The following CTNNA2 variants were observed in gnomAD, a reference collection of about 807,000 sequenced individuals.
The protein encoded by CTNNA2 is catenin alpha 2, also known as catenin alpha-2.
CTNNA2 carries 42 observed loss-of-function variants against 101.0 expected under a neutral mutation model. That is an observed-to-expected ratio of 0.42 (90% CI 0.32 to 0.54). CTNNA2 has a LOEUF of 0.54. Among genes scored for constraint, CTNNA2 ranks in the 20% least tolerant of loss-of-function variants. The pLI, the probability that CTNNA2 is intolerant of heterozygous loss-of-function variation, is 0.14. For synonymous variants in CTNNA2, 450 were observed against 456.4 expected (o/e 0.99, Z 0.18); for missense variants, 871 against 1,223.1 (o/e 0.71, Z 4.29).
upstream of CTNNA2, among the ~76,000 whole-genome samples, chr2:79,508,926 G>A (rs2103817623): frequency 7.8e-6 from 1 of 127,914 alleles, no homozygotes; most frequent in South Asian, 2.6e-4. Context: ...CTGTTTACTT[G>A]AAAACATATA....
At chr2:80,583,022 G>A (rs1053771655) in intron 14 of CTNNA2, among the ~76,000 whole-genome samples, 1 of 152,062 alleles carries the variant, frequency 6.6e-6, no homozygotes, top group Non-Finnish European at 1.5e-5. Context: ...GGATGTGAAG[G>A]TTAAAGAATA....
intron 1 of CTNNA2, among the ~76,000 whole-genome samples, chr2:79,626,544 CA>C (rs1413909915): frequency 8.6e-5 from 13 of 151,802 alleles, no homozygotes; most frequent in Admixed American, 8.5e-4. Flanking sequence ...TTCTTTTTCT[CA>C]AAAACACACT....
chr2:80,199,197 A>G (rs1707039894), intron 7 of CTNNA2, among the ~76,000 whole-genome samples: 1 of 150,494 alleles, frequency 6.6e-6, no homozygotes, highest in Non-Finnish European at 1.5e-5. Context: ...AAAAAAAAAA[A>G]AAAAAAAAAA....
chr2:79,532,264 G>GT (rs1383250639), intron 1 of CTNNA2, among the ~76,000 whole-genome samples: 2 of 152,092 alleles, frequency 1.3e-5, no homozygotes, highest in Admixed American at 1.3e-4. Context: ...TCCCTAGAAA[G>GT]TAATTCTGTA....
At chr2:79,270,512 T>C (rs560393148) in intron 2 of CTNNA2, among the ~76,000 whole-genome samples, 2 of 152,240 alleles carry the variant, frequency 1.3e-5, no homozygotes, top group African/African-American at 2.4e-5. Flanking sequence ...TGGACTCTGA[T>C]ATTGACTTCT....
At position 80,422,363 on chromosome 2, in the gene CTNNA2, C is replaced by T. The variant is rs776124444; in HGVS notation, c.1290+2762C>T. 3.5e-4 allele frequency among the ~76,000 whole-genome samples: 53 copies of T among 152,194 alleles called. 1 individual carries two copies. The highest frequency in any genetic ancestry group is 7.1e-4 in the Non-Finnish European group (48 of 68,008). ...CACCCTTGACACATGAAGATTATTA[C>T]GACTCAAGGTGAGATTGAATAGGAA... On this transcript the variant is annotated intron_variant, in intron 9 of 18. Coordinates refer to ENST00000402739, the MANE Select transcript of CTNNA2 (RefSeq NM_001282597.3).
At chr2:79,568,686 A>G (rs956802356) in intron 1 of CTNNA2, among the ~76,000 whole-genome samples, 2 of 151,890 alleles carry the variant, frequency 1.3e-5, no homozygotes, top group African/African-American at 4.8e-5. Context: ...ATAAAAAACA[A>G]TATTTCATTA....
intron 1 of CTNNA2, among the ~76,000 whole-genome samples, chr2:79,625,700 G>C (rs1573506903): frequency 6.6e-6 from 1 of 152,160 alleles, no homozygotes. Flanking sequence ...CCAGGCTCTT[G>C]CTCCTGAGCC....
chr2:79,599,840 A>T (rs1677435986), intron 1 of CTNNA2, among the ~76,000 whole-genome samples: 1 of 152,190 alleles, frequency 6.6e-6, no homozygotes, highest in South Asian at 2.1e-4. Flanking sequence ...TTGAAACAGC[A>T]TCCTATTTAG....
chr2:79,207,926 G>A (rs1376672464), intron 2 of CTNNA2, among the ~76,000 whole-genome samples: 2 of 152,114 alleles, frequency 1.3e-5, no homozygotes, highest in East Asian at 3.9e-4. Flanking sequence ...GTGGCAATGA[G>A]GTGAAACTTT....
intron 4 of CTNNA2, among the ~76,000 whole-genome samples, chr2:79,484,824 G>C (rs756348920): frequency 1.3e-5 from 2 of 152,142 alleles, no homozygotes; most frequent in Non-Finnish European, 2.9e-5. Context: ...ACTCTTGCTT[G>C]ATAATTCCTT....
chr2:80,545,529 CTT>C (rs1471281874), intron 10 of CTNNA2, among the ~76,000 whole-genome samples: 1 of 152,090 alleles, frequency 6.6e-6, no homozygotes, highest in African/African-American at 2.4e-5. Flanking sequence ...CTCCTGTTGA[CTT>C]TGTTCTATTT....
intron 3 of CTNNA2, among the ~76,000 whole-genome samples, chr2:79,350,452 A>C (rs1305608639): frequency 6.6e-6 from 1 of 152,154 alleles, no homozygotes; most frequent in Non-Finnish European, 1.5e-5. Flanking sequence ...ATGTTGCTGC[A>C]AAAGTCATGA....
chr2:79,962,014 G>A (rs74775173), intron 7 of CTNNA2, among the ~76,000 whole-genome samples: 10,525 of 152,208 alleles, frequency 0.069, 454 homozygotes, highest in Non-Finnish European at 0.099. Context: ...GGCTAGAGTG[G>A]GAAGTAAATT....
chr2:80,464,369 T>G (rs1406145546), intron 9 of CTNNA2, among the ~76,000 whole-genome samples: 1 of 152,190 alleles, frequency 6.6e-6, no homozygotes, highest in African/African-American at 2.4e-5. Flanking sequence ...ATTCATGCAA[T>G]GAAATGGACA....
intron 4 of CTNNA2, among the ~76,000 whole-genome samples, chr2:79,404,654 C>A (rs763409141): frequency 6.6e-6 from 1 of 152,028 alleles, no homozygotes; most frequent in Non-Finnish European, 1.5e-5. Flanking sequence ...TCAGGCCCCA[C>A]AATGGGCATG....
At chr2:79,581,731 T>C (rs1676159891) in intron 1 of CTNNA2, among the ~76,000 whole-genome samples, 1 of 152,074 alleles carries the variant, frequency 6.6e-6, no homozygotes, top group Admixed American at 6.6e-5. Flanking sequence ...CATACAAAAC[T>C]GAAAAGGAAC....
At chr2:80,606,454 T>C (rs1487494201) in intron 16 of CTNNA2, among the ~76,000 whole-genome samples, 1 of 151,306 alleles carries the variant, frequency 6.6e-6, no homozygotes, top group Non-Finnish European at 1.5e-5. Context: ...TGACAGAGTA[T>C]TTAAATGCTA....
chr2:80,551,428 C>T (rs1692547790), intron 11 of CTNNA2, among the ~76,000 whole-genome samples: 1 of 152,210 alleles, frequency 6.6e-6, no homozygotes, highest in Non-Finnish European at 1.5e-5. Context: ...ATGGCACCGT[C>T]TTCCAGTAGA....
Sources: allele counts gnomAD v4.1 joint callset (sites outside exome capture counted in the v4.1 genomes callset), GRCh38; gene constraint gnomAD v4.1.1; transcripts MANE v1.5; gene names NCBI Gene and HGNC (gene_info 2026-07-23, HGNC 2026-07-21).